The following SCLT1 variants were observed in gnomAD, a reference collection of about 807,000 sequenced individuals.
The protein encoded by SCLT1 is sodium channel and clathrin linker 1, also known as sodium channel-associated protein 1.
Under a neutral mutation model 112.8 loss-of-function variants are expected in SCLT1, and 78 were observed. The ratio of observed to expected loss-of-function variants is 0.69; its 90% CI spans 0.58 to 0.83. The LOEUF is 0.83. Ranked by LOEUF, SCLT1 falls within the 40% of genes least tolerant of loss-of-function variation. SCLT1 has a pLI of 0.00. For synonymous variants in SCLT1, 257 were observed against 254.7 expected (o/e 1.01, Z -0.09); for missense variants, 747 against 770.4 (o/e 0.97, Z 0.36).
rs1743297367 is a variant in SCLT1 at position 128,999,668 on chromosome 4, T to TCAA, written c.549+3_549+4insTTG. The TCAA allele has an allele frequency of 1.3e-6, 2 of 1,593,670 alleles. No homozygotes were observed. The highest frequency in any genetic ancestry group is 8.5e-7 in the Non-Finnish European group (1 of 1,169,758). ...TACAAGAAAATGATGAAATCCAAGA[T>TCAA]TACCTTTTGTTTTTGACTTTCAAAT... On this transcript the variant is annotated splice_donor_region_variant and intron_variant, in intron 7 of 20. Transcript: ENST00000281142.
intron 18 of SCLT1, among the ~76,000 whole-genome samples, chr4:128,934,361 CTTT>C (rs150611646): frequency 0.031 from 4,723 of 151,546 alleles, 102 homozygotes; most frequent in Non-Finnish European, 0.042. Context: ...TGTTATATTA[CTTT>C]TTTTTAACTT....
At chr4:129,023,271 G>A (rs779313032) in intron 5 of SCLT1, among the ~76,000 whole-genome samples, 1 of 152,110 alleles carries the variant, frequency 6.6e-6, no homozygotes, top group Non-Finnish European at 1.5e-5. Context: ...GCATCATGGC[G>A]ACAGGATCAA....
At chr4:128,957,555 T>C (rs1739324548) in intron 12 of SCLT1, among the ~76,000 whole-genome samples, 1 of 152,148 alleles carries the variant, frequency 6.6e-6, no homozygotes, top group South Asian at 2.1e-4. Context: ...CAGACACTAC[T>C]TGTTTTGTCT....
chr4:128,880,577 A>C (rs1648062), downstream of SCLT1, among the ~76,000 whole-genome samples: 75,701 of 152,020 alleles, frequency 0.5, 21,494 homozygotes, highest in African/African-American at 0.78. Context: ...TCTGGCTTAG[A>C]AACAAAACCT....
At chr4:129,077,634 C>CAA (rs1751576365) in intron 2 of SCLT1, among the ~76,000 whole-genome samples, 1 of 151,900 alleles carries the variant, frequency 6.6e-6, no homozygotes, top group Non-Finnish European at 1.5e-5. Flanking sequence ...CATGGCTAAA[C>CAA]AAAAAGGGGA....
chr4:129,091,084 A>G (rs1752785120), intron 1 of SCLT1, among the ~76,000 whole-genome samples: 1 of 152,152 alleles, frequency 6.6e-6, no homozygotes, highest in Non-Finnish European at 1.5e-5. Context: ...GCAGGTGGAA[A>G]GAAGGCAAGT....
At chr4:128,999,883 T>C (rs1002256330) in intron 6 of SCLT1, 89 bp from the exon 7 acceptor site, 1 of 762,906 alleles carries the variant, frequency 1.3e-6, no homozygotes, top group African/African-American at 1.8e-5. Flanking sequence ...TAGAATAAGT[T>C]CTTATAAAGT....
intron 10 of SCLT1, among the ~76,000 whole-genome samples, chr4:128,966,790 A>AT (rs1427578435): frequency 2.7e-5 from 4 of 149,580 alleles, no homozygotes; most frequent in Admixed American, 6.6e-5. Context: ...AATTCTTAGT[A>AT]TTTTTTTTCT....
chr4:129,091,911 C>T (rs1235302538), intron 1 of SCLT1, among the ~76,000 whole-genome samples: 1 of 152,160 alleles, frequency 6.6e-6, no homozygotes, highest in Non-Finnish European at 1.5e-5. Flanking sequence ...GTCTATAATG[C>T]TACCAAAACG....
intron 9 of SCLT1, among the ~76,000 whole-genome samples, chr4:128,987,590 C>T (rs1742210052): frequency 6.6e-6 from 1 of 152,074 alleles, no homozygotes; most frequent in East Asian, 1.9e-4. Context: ...AAAAGCAGAA[C>T]TGATCAATCA....
intron 6 of SCLT1, among the ~76,000 whole-genome samples, chr4:129,001,184 AC>A (rs1743449990): frequency 6.6e-6 from 1 of 151,992 alleles, no homozygotes; most frequent in Admixed American, 6.6e-5. Flanking sequence ...CTGTCTGACG[AC>A]AAAAATCACC....
At chr4:128,892,701 A>G (rs941074118) in intron 18 of SCLT1, among the ~76,000 whole-genome samples, 1 of 152,228 alleles carries the variant, frequency 6.6e-6, no homozygotes, top group Admixed American at 6.5e-5. Flanking sequence ...GGCCAGGTGC[A>G]AGGTATGTGG....
chr4:129,057,093 T>C (rs1166023822), intron 2 of SCLT1, among the ~76,000 whole-genome samples: 1 of 152,212 alleles, frequency 6.6e-6, no homozygotes, highest in East Asian at 1.9e-4. Context: ...ATTGAGATTA[T>C]CGTATGGTTT....
At chr4:128,874,332 G>A (rs947809553) in intron 5 of SCLT1, 2 of 152,504 alleles carry the variant, frequency 1.3e-5, no homozygotes, top group Admixed American at 1.3e-4. Context: ...TCTAGTAAGT[G>A]TATGACCTCT....
chr4:128,961,960 A>AT (rs773060654), intron 11 of SCLT1, among the ~76,000 whole-genome samples: 2 of 152,190 alleles, frequency 1.3e-5, no homozygotes, highest in South Asian at 4.1e-4. Context: ...AAGAGGCAGG[A>AT]TTTTTTTCTA....
At chr4:129,025,040 G>A (rs1305799094) in intron 5 of SCLT1, among the ~76,000 whole-genome samples, 1 of 152,166 alleles carries the variant, frequency 6.6e-6, no homozygotes, top group Non-Finnish European at 1.5e-5. Flanking sequence ...CAAGAAATAT[G>A]GGACTATGTG....
At chr4:128,933,835 CTATAAT>C (rs979163848) in intron 18 of SCLT1, among the ~76,000 whole-genome samples, 16 of 151,968 alleles carry the variant, frequency 1.1e-4, no homozygotes, top group South Asian at 2.1e-4. Flanking sequence ...CTGCCTTATC[CTATAAT>C]TATAAGTTTC....
intron 12 of SCLT1, among the ~76,000 whole-genome samples, chr4:128,957,723 T>C (rs2126010858): frequency 6.6e-6 from 1 of 152,300 alleles, no homozygotes; most frequent in Non-Finnish European, 1.5e-5. Context: ...TCTCAATCTC[T>C]TTTATACTCC....
intron 1 of SCLT1, among the ~76,000 whole-genome samples, chr4:129,083,481 A>G (rs13106626): frequency 0.04 from 6,070 of 150,226 alleles, 152 homozygotes; most frequent in South Asian, 0.057. Context: ...AAAATCCTCT[A>G]TATGTTTGGA....
Sources: gnomAD v4.1 joint callset for allele counts (sites outside exome capture counted in the v4.1 genomes callset) on GRCh38, gnomAD v4.1.1 for gene constraint, MANE v1.5 for transcripts, NCBI Gene and HGNC (gene_info 2026-07-23, HGNC 2026-07-21) for gene names.